Variants in FRK observed in about 807,000 individuals in gnomAD.
FRK encodes tyrosine-protein kinase FRK.
FRK carries 51 observed loss-of-function variants against 56.4 expected under a neutral mutation model. That is an observed-to-expected ratio of 0.90 (90% CI 0.72 to 1.14). The LOEUF is 1.14. FRK is among the 50% of genes most tolerant of loss of function. FRK has a pLI of 0.00. For synonymous variants in FRK, 245 were observed against 217.9 expected, an observed-to-expected ratio of 1.12 and a Z score of -1.10; for missense variants, 570 against 601.4, an observed-to-expected ratio of 0.95 and a Z score of 0.55.
chr6:115,972,608 C>T (rs1773849936), intron 2 of FRK, among the ~76,000 whole-genome samples: 1 of 152,200 alleles, frequency 6.6e-6, no homozygotes, highest in Non-Finnish European at 1.5e-5. Context: ...GCTGAGAGAT[C>T]CAAGAACAGC....
chr6:116,049,970 A>G (rs1440067138), intron 1 of FRK, among the ~76,000 whole-genome samples: 1 of 152,188 alleles, frequency 6.6e-6, no homozygotes, highest in East Asian at 1.9e-4. Context: ...CTCTGCACTC[A>G]TTCTTCCAAC....
chr6:115,997,448 A>G (rs1774884366), intron 2 of FRK, among the ~76,000 whole-genome samples: 1 of 152,108 alleles, frequency 6.6e-6, no homozygotes, highest in African/African-American at 2.4e-5. Context: ...ACCAAAAAAA[A>G]AAAAGGAGAA....
At chr6:115,958,806 GAAAGAAAGAAAGAA>G (rs1423904170) in intron 4 of FRK, among the ~76,000 whole-genome samples, 2 of 73,540 alleles carry the variant, frequency 2.7e-5, no homozygotes, top group East Asian at 3.6e-4. Flanking sequence ...GAAAAAGAAA[GAAAGAAAGAAAGAA>G]AAAGAAAGAA....
chr6:116,031,045 C>T lies in FRK; in HGVS notation c.345-27047G>A, dbSNP rs761499643. On this transcript the variant is annotated intron_variant, in intron 1 of 7. Transcript: ENST00000606080. Reference sequence around the variant, plus strand: ...TCTTGGACTCTATCCTTAAAAAAATCGTGCAAAACATGGAAAAATCTTTAT... The same window carrying T: ...TCTTGGACTCTATCCTTAAAAAAATTGTGCAAAACATGGAAAAATCTTTAT... 1.9e-4 allele frequency among the ~76,000 whole-genome samples: 29 copies of T among 151,964 alleles called. 1 individual carries two copies. Among genetic ancestry groups the T allele is most frequent in the Non-Finnish European group, 3.4e-4 (23 of 67,980 alleles).
upstream of FRK, among the ~76,000 whole-genome samples, chr6:116,061,049 G>C (rs182822582): frequency 6.6e-6 from 1 of 152,276 alleles, no homozygotes; most frequent in Non-Finnish European, 1.5e-5. Context: ...TTTCATCCTG[G>C]AGAAACAGGC....
intron 1 of FRK, among the ~76,000 whole-genome samples, chr6:116,026,149 C>A (rs1445276412): frequency 1.3e-5 from 2 of 152,050 alleles, no homozygotes; most frequent in Non-Finnish European, 2.9e-5. Context: ...AGAACAGGGG[C>A]CTTATCTTTC....
At chr6:116,042,038 C>T (rs183108821) in intron 1 of FRK, among the ~76,000 whole-genome samples, 1 of 152,334 alleles carries the variant, frequency 6.6e-6, no homozygotes, top group Non-Finnish European at 1.5e-5. Flanking sequence ...TGAAGTCTAC[C>T]TGGGACACTA....
intron 1 of FRK, among the ~76,000 whole-genome samples, chr6:116,052,932 T>C (rs1219067887): frequency 1.3e-5 from 2 of 152,192 alleles, no homozygotes; most frequent in African/African-American, 4.8e-5. Context: ...AACCTTACTA[T>C]GTGTCAGGTT....
At chr6:115,950,540 A>C (rs557288619) in intron 5 of FRK, among the ~76,000 whole-genome samples, 1 of 152,342 alleles carries the variant, frequency 6.6e-6, no homozygotes, top group African/African-American at 2.4e-5. Context: ...GAGGATGTGG[A>C]GAAAGAGGAA....
chr6:116,075,835 A>C, the FRK span, among the ~76,000 whole-genome samples: 1 of 152,196 alleles, frequency 6.6e-6, no homozygotes, highest in Admixed American at 6.6e-5. Flanking sequence ...TGGACTGAAC[A>C]AAGTGAGGAG....
rs952011905 is a variant in FRK, at chr6:115,933,397, T to C, written c.*9017A>G. On this transcript the variant is annotated 3_prime_UTR_variant, in exon 8 of 8. Coordinates refer to ENST00000606080, the MANE Select transcript of FRK (RefSeq NM_002031.3). ...TATTTAATACAGGGAGAGAAATTTA[T>C]GGCAGTTAAAAAAATCTATTACTGT... The C allele has an allele frequency of 6.6e-6, 1 of 152,136 alleles. No individual in the cohort carries two copies. The highest frequency in any genetic ancestry group is 2.4e-5 in the African/African-American group (1 of 41,394). The allele number at this position is 152,136 out of a possible 1,614,324, so 9.4% of individuals were successfully genotyped here.
At chr6:115,990,416 C>T (rs1452882894) in intron 2 of FRK, among the ~76,000 whole-genome samples, 1 of 151,862 alleles carries the variant, frequency 6.6e-6, no homozygotes, top group African/African-American at 2.4e-5. Flanking sequence ...TCAAGCATCA[C>T]ATTTAAGTCT....
chr6:116,093,751 G>A, the FRK span, among the ~76,000 whole-genome samples: 1 of 152,194 alleles, frequency 6.6e-6, no homozygotes, highest in African/African-American at 2.4e-5. Context: ...TCAGGGAAAG[G>A]AAGAAAATCC....
intron 1 of FRK, among the ~76,000 whole-genome samples, chr6:116,029,094 C>T (rs1172895374): frequency 6.6e-6 from 1 of 152,068 alleles, no homozygotes; most frequent in Non-Finnish European, 1.5e-5. Context: ...GACTTTTCAC[C>T]TTCTCTTTCC....
chr6:116,050,010 T>C (rs1777128484), intron 1 of FRK, among the ~76,000 whole-genome samples: 1 of 152,184 alleles, frequency 6.6e-6, no homozygotes, highest in Non-Finnish European at 1.5e-5. Flanking sequence ...GAGTTGAACA[T>C]TGTTTTTTAC....
intron 1 of FRK, among the ~76,000 whole-genome samples, chr6:116,053,235 A>G (rs762274151): frequency 2.0e-5 from 3 of 152,160 alleles, no homozygotes; most frequent in Non-Finnish European, 4.4e-5. Flanking sequence ...CATTCACCAG[A>G]AGAACCCAAA....
chr6:115,987,863 T>A (rs759035755), intron 2 of FRK, among the ~76,000 whole-genome samples: 6 of 152,092 alleles, frequency 3.9e-5, no homozygotes, highest in Admixed American at 2.6e-4. Flanking sequence ...ATATAGAAAG[T>A]GCTGTTCACT....
chr6:115,991,050 G>A (rs1322499237), intron 2 of FRK, among the ~76,000 whole-genome samples: 1 of 151,524 alleles, frequency 6.6e-6, no homozygotes, highest in Non-Finnish European at 1.5e-5. Flanking sequence ...ATAAGACTGA[G>A]TTCTTGATTG....
At chr6:115,959,310 G>A (rs775924411) in intron 4 of FRK, among the ~76,000 whole-genome samples, 2 of 152,046 alleles carry the variant, frequency 1.3e-5, no homozygotes, top group Non-Finnish European at 2.9e-5. Context: ...GAAAACTATC[G>A]TGGTTTTTTT....
Sources: gnomAD v4.1 joint callset for allele counts (sites outside exome capture counted in the v4.1 genomes callset) on GRCh38, gnomAD v4.1.1 for gene constraint, MANE v1.5 for transcripts, NCBI Gene and HGNC (gene_info 2026-07-23, HGNC 2026-07-21) for gene names.